The following GPHN variants were observed in gnomAD, a reference collection of about 807,000 sequenced individuals.
GPHN encodes gephyrin.
A neutral mutation model predicts 95.5 loss-of-function variants in GPHN; 17 were observed. That is an observed-to-expected ratio of 0.18 (90% CI 0.12 to 0.27). The LOEUF (loss-of-function observed/expected upper bound fraction) is 0.27. Among genes scored for constraint, GPHN ranks in the 10% least tolerant of loss-of-function variants. The pLI is 1.00. For missense variants in GPHN, 660 were observed against 978.1 expected (o/e 0.67, Z 4.34); for synonymous variants, 320 against 322.5 (o/e 0.99, Z 0.08).
At chr14:67,376,404 T>G in the GPHN span, 1 of 1,554,158 alleles carries the variant, frequency 6.4e-7, no homozygotes, top group Non-Finnish European at 8.7e-7. Context: ...AAATCTCTTA[T>G]CTTTGAATTG....
intron 2 of GPHN, among the ~76,000 whole-genome samples, chr14:66,739,257 C>A: frequency 6.8e-6 from 1 of 146,232 alleles, no homozygotes; most frequent in East Asian, 2.0e-4. Flanking sequence ...CGCTCTGTCA[C>A]CCAGGCTGGA....
chr14:67,003,671 T>C (rs2072401830), intron 9 of GPHN, among the ~76,000 whole-genome samples: 2 of 151,680 alleles, frequency 1.3e-5, no homozygotes, highest in East Asian at 3.9e-4. Context: ...TGAATGTTTA[T>C]ATTAAAGATG....
intron 11 of GPHN, among the ~76,000 whole-genome samples, chr14:67,083,495 C>CA (rs2076771502): frequency 6.6e-6 from 1 of 152,168 alleles, no homozygotes; most frequent in Non-Finnish European, 1.5e-5. Flanking sequence ...GCTTCTTGTA[C>CA]AGCCTACAGA....
intron 2 of GPHN, among the ~76,000 whole-genome samples, chr14:66,682,214 A>G (rs1443625675): frequency 1.3e-5 from 2 of 151,990 alleles, no homozygotes; most frequent in African/African-American, 2.4e-5. Context: ...TCTTTTCTCC[A>G]TCTTTCTTTT....
chr14:66,838,091 G>A (rs117220691), intron 4 of GPHN, among the ~76,000 whole-genome samples: 2,655 of 152,130 alleles, frequency 0.017, 34 homozygotes, highest in Non-Finnish European at 0.027. Context: ...GTGGTTAAGA[G>A]CACAGACTAT....
At chr14:66,921,787 A>G (rs1181008880) in intron 6 of GPHN, among the ~76,000 whole-genome samples, 1 of 152,206 alleles carries the variant, frequency 6.6e-6, no homozygotes, top group African/African-American at 2.4e-5. Context: ...ATCTGGAGGC[A>G]TCACATTACG....
intron 2 of GPHN, chr14:66,760,822 G>A: frequency 1.9e-6 from 1 of 540,028 alleles, no homozygotes; most frequent in South Asian, 1.5e-5. Context: ...GAGAGTTGAA[G>A]AGATCAAGCA....
the GPHN span, chr14:67,647,868 T>C: frequency 9.4e-6 from 6 of 636,380 alleles, no homozygotes; most frequent in Non-Finnish European, 8.0e-6. Context: ...GAAGTTAATA[T>C]TGCCAATCTC....
At chr14:66,964,003 G>A (rs375985901) in intron 8 of GPHN, among the ~76,000 whole-genome samples, 4 of 152,184 alleles carry the variant, frequency 2.6e-5, no homozygotes, top group South Asian at 2.1e-4. Flanking sequence ...CAAGTCTTGC[G>A]TGCAAAATTT....
At chr14:67,712,909 T>A in the GPHN span, among the ~76,000 whole-genome samples, 1 of 152,078 alleles carries the variant, frequency 6.6e-6, no homozygotes, top group Non-Finnish European at 1.5e-5. Context: ...CTTTTTTTTT[T>A]CTTTTGCTGG....
At chr14:66,879,156 A>G (rs889681668) in intron 4 of GPHN, among the ~76,000 whole-genome samples, 2 of 152,158 alleles carry the variant, frequency 1.3e-5, no homozygotes, top group African/African-American at 4.8e-5. Flanking sequence ...GATTTGAACA[A>G]TGAGAACACA....
Position 67,084,383 on chromosome 14 carries a change from C to T in GPHN, c.1145-4600C>T, listed in dbSNP as rs117987222. On this transcript the variant is annotated intron_variant, in intron 11 of 22. Coordinates refer to ENST00000478722, the MANE Select transcript of GPHN (RefSeq NM_020806.5). ...TTGATCCTGTTTCATTTGTCTAAAA[C>T]GCCCCCCTCTCCTACCTGGTTTTGA... 9.9e-3 allele frequency among the ~76,000 whole-genome samples: 1,507 copies of T among 152,226 alleles called. 13 individuals carry two copies. The highest frequency in any genetic ancestry group is 0.014 in the Non-Finnish European group (981 of 68,008).
At chr14:67,482,826 C>T in the GPHN span, among the ~76,000 whole-genome samples, 5 of 152,146 alleles carry the variant, frequency 3.3e-5, no homozygotes, top group Non-Finnish European at 7.4e-5. Flanking sequence ...GGGTGCCCCC[C>T]AAGGAAAGCC....
At chr14:67,604,480 A>G in the GPHN span, among the ~76,000 whole-genome samples, 1 of 152,106 alleles carries the variant, frequency 6.6e-6, no homozygotes, top group South Asian at 2.1e-4. Flanking sequence ...AGATCGTTTG[A>G]GCTCAGGAGT....
intron 5 of GPHN, among the ~76,000 whole-genome samples, chr14:66,886,535 AT>A (rs1171902727): frequency 2.0e-5 from 3 of 152,168 alleles, no homozygotes; most frequent in African/African-American, 7.2e-5. Context: ...CTTTAAAAAA[AT>A]AAAGAAGAAA....
intron 17 of GPHN, among the ~76,000 whole-genome samples, chr14:67,129,778 GAAAGAA>G (rs2079569856): frequency 7.0e-6 from 1 of 142,776 alleles, no homozygotes; most frequent in Non-Finnish European, 1.5e-5. Context: ...AAGAAAGAGA[GAAAGAA>G]AGAGAGAGAG....
intron 4 of GPHN, among the ~76,000 whole-genome samples, chr14:66,844,544 G>A (rs1596117450): frequency 6.6e-6 from 1 of 151,994 alleles, no homozygotes; most frequent in East Asian, 1.9e-4. Flanking sequence ...AAAATGCTGA[G>A]TATCCATATT....
intron 5 of GPHN, among the ~76,000 whole-genome samples, chr14:66,884,367 AG>A (rs1290750906): frequency 6.6e-6 from 1 of 152,068 alleles, no homozygotes; most frequent in Non-Finnish European, 1.5e-5. Flanking sequence ...AGGAGAGAGA[AG>A]CTATGGTTAC....
the GPHN span, among the ~76,000 whole-genome samples, chr14:67,424,118 T>C: frequency 6.6e-6 from 1 of 152,062 alleles, no homozygotes; most frequent in Non-Finnish European, 1.5e-5. Context: ...CAGGTGCCTG[T>C]AATCCCAGCT....
Sources: allele counts gnomAD v4.1 joint callset (sites outside exome capture counted in the v4.1 genomes callset), GRCh38; gene constraint gnomAD v4.1.1; transcripts MANE v1.5; gene names NCBI Gene and HGNC (gene_info 2026-07-23, HGNC 2026-07-21).